The following VEPH1 variants were observed in gnomAD, a reference collection of about 807,000 sequenced individuals.
VEPH1 encodes the protein ventricular zone expressed PH domain containing 1, also known as ventricular zone-expressed PH domain-containing protein homolog 1.
A neutral mutation model predicts 85.2 loss-of-function variants in VEPH1; 80 were observed. The ratio of observed to expected loss-of-function variants is 0.94; its 90% CI spans 0.78 to 1.13. The LOEUF is 1.13. VEPH1 is among the 50% of genes most tolerant of loss of function. The pLI is 0.00. For missense variants in VEPH1, 955 were observed against 980.5 expected (o/e 0.97, Z 0.35); for synonymous variants, 297 against 348.0 (o/e 0.85, Z 1.63).
intron 1 of VEPH1, among the ~76,000 whole-genome samples, chr3:157,502,798 A>T (rs555913380): frequency 5.9e-5 from 9 of 152,352 alleles, no homozygotes; most frequent in African/African-American, 1.9e-4. Flanking sequence ...CCAAAGGAAA[A>T]AACGGCAGCA....
At chr3:157,439,790 G>A (rs1177438406) in intron 4 of VEPH1, among the ~76,000 whole-genome samples, 1 of 152,042 alleles carries the variant, frequency 6.6e-6, no homozygotes, top group Non-Finnish European at 1.5e-5. Flanking sequence ...TCGCTCTGTC[G>A]CCCAGGCTGG....
At chr3:157,368,619 G>A (rs1727021814) in intron 7 of VEPH1, among the ~76,000 whole-genome samples, 1 of 151,994 alleles carries the variant, frequency 6.6e-6, no homozygotes, top group South Asian at 2.1e-4. Context: ...AGCCCCCCGA[G>A]TAGCTGGGAC....
chr3:157,441,025 TAC>T (rs1227095055), intron 4 of VEPH1, among the ~76,000 whole-genome samples: 3 of 152,256 alleles, frequency 2.0e-5, no homozygotes, highest in Non-Finnish European at 2.9e-5. Context: ...ACTTGCTGCT[TAC>T]AGACTTGCAG....
At position 157,413,891 on chromosome 3, in the gene VEPH1, T is replaced by G; in HGVS notation, c.896A>C (p.His299Pro). ...AAAAGCCAAACTTACTTCATCCACA[T>G]GCCCAACAGCTCCATAAATCCTTGC... ...QMARIYGAVGHVDEERARSCL... is the reference protein window; with the variant it reads ...QMARIYGAVGPVDEERARSCL... Residue 299 changes from histidine to proline, a missense_variant, in exon 6 of 14, where the codon CAT (histidine) becomes CCT (proline). Coordinates refer to ENST00000362010, the MANE Select transcript of VEPH1 (RefSeq NM_001167912.2). The G allele has an allele frequency of 1.9e-6, 3 of 1,613,270 alleles. No individual in the cohort carries two copies. Among genetic ancestry groups the G allele is most frequent in the Non-Finnish European group, 2.5e-6 (3 of 1,179,436 alleles).
intron 2 of VEPH1, among the ~76,000 whole-genome samples, chr3:157,481,332 C>T (rs1367558300): frequency 1.3e-5 from 2 of 151,488 alleles, no homozygotes; most frequent in East Asian, 3.9e-4. Context: ...AATGGCCATA[C>T]TGCCCAAAGC....
chr3:157,318,632 AAAAG>A (rs67604867), intron 9 of VEPH1, among the ~76,000 whole-genome samples: 22,202 of 128,508 alleles, frequency 0.17, 3,286 homozygotes, highest in African/African-American at 0.4. Context: ...AACAAAAAAA[AAAAG>A]AAAGAAAGAA....
At chr3:157,395,677 C>T (rs953526762) in intron 6 of VEPH1, among the ~76,000 whole-genome samples, 5 of 152,272 alleles carry the variant, frequency 3.3e-5, no homozygotes, top group East Asian at 3.9e-4. Context: ...CCACATATCT[C>T]TTCCCAAAAA....
chr3:157,368,476 G>GTTTTT (rs59050089), intron 7 of VEPH1, among the ~76,000 whole-genome samples: 204 of 140,458 alleles, frequency 1.5e-3, no homozygotes, highest in East Asian at 5.9e-3. Context: ...TAAACAATAA[G>GTTTTT]TTTTTTGTTT....
intron 11 of VEPH1, among the ~76,000 whole-genome samples, chr3:157,306,489 T>C (rs1719523822): frequency 6.6e-6 from 1 of 152,074 alleles, no homozygotes; most frequent in Non-Finnish European, 1.5e-5. Context: ...TACATATAGG[T>C]CTAATTAATT....
chr3:157,388,905 G>A (rs866631149), intron 6 of VEPH1, among the ~76,000 whole-genome samples: 3 of 152,030 alleles, frequency 2.0e-5, no homozygotes, highest in South Asian at 4.1e-4. Flanking sequence ...TGGTATCCAC[G>A]GGGGTTCTGG....
chr3:157,281,209 A>G (rs12637932), intron 12 of VEPH1, among the ~76,000 whole-genome samples: 75,676 of 151,654 alleles, frequency 0.5, 19,788 homozygotes, highest in Admixed American at 0.62. Flanking sequence ...TACCACAGAG[A>G]CATAAAATAG....
chr3:157,261,378 G>A lies in VEPH1; in HGVS notation c.2266-8C>T, dbSNP rs1205275268. On this transcript the variant is annotated splice_region_variant and splice_polypyrimidine_tract_variant and intron_variant, in intron 13 of 13. Coordinates refer to ENST00000362010, the MANE Select transcript of VEPH1 (RefSeq NM_001167912.2). ...GTCGTCAGGGTCATCTTTCTGAAAG[G>A]CATGGGAAGAAAAGAACATGGGCTG... The A allele has an allele frequency of 6.2e-7, 1 of 1,612,700 alleles. No individual in the cohort carries two copies. The highest frequency in any genetic ancestry group is 1.1e-5 in the South Asian group (1 of 90,958).
intron 11 of VEPH1, among the ~76,000 whole-genome samples, chr3:157,301,874 T>G (rs971774219): frequency 1.3e-5 from 2 of 152,218 alleles, no homozygotes; most frequent in Non-Finnish European, 2.9e-5. Flanking sequence ...GATGTCCTAA[T>G]CTATATTCCT....
intron 11 of VEPH1, among the ~76,000 whole-genome samples, chr3:157,300,902 C>T (rs576848552): frequency 1.3e-5 from 2 of 152,304 alleles, no homozygotes; most frequent in African/African-American, 4.8e-5. Flanking sequence ...GGCTGAACTT[C>T]CAAACTCAGT....
At chr3:157,308,622 T>A (rs979227492) in intron 11 of VEPH1, among the ~76,000 whole-genome samples, 1 of 152,076 alleles carries the variant, frequency 6.6e-6, no homozygotes, top group African/African-American at 2.4e-5. Context: ...TCCTTCTGGC[T>A]GTATTTTACC....
intron 2 of VEPH1, among the ~76,000 whole-genome samples, chr3:157,487,330 G>A (rs1738741899): frequency 6.6e-6 from 1 of 151,962 alleles, no homozygotes; most frequent in Non-Finnish European, 1.5e-5. Context: ...TAATAAACTT[G>A]AAAACTCAGA....
At chr3:157,294,062 T>C (rs1717838130) in intron 11 of VEPH1, among the ~76,000 whole-genome samples, 1 of 152,192 alleles carries the variant, frequency 6.6e-6, no homozygotes, top group South Asian at 2.1e-4. Context: ...ATTCAACAAA[T>C]ATTTAGTACT....
chr3:157,403,717 G>T (rs1205355929), intron 6 of VEPH1, among the ~76,000 whole-genome samples: 1 of 152,104 alleles, frequency 6.6e-6, no homozygotes, highest in Non-Finnish European at 1.5e-5. Context: ...CAAAGATTAT[G>T]ACTGTTAAAG....
At chr3:157,344,294 A>C (rs1259887633) in intron 9 of VEPH1, among the ~76,000 whole-genome samples, 2 of 152,220 alleles carry the variant, frequency 1.3e-5, no homozygotes. Flanking sequence ...ATCTCAGCCC[A>C]AAATCTCCTT....
Sources: allele counts gnomAD v4.1 joint callset (sites outside exome capture counted in the v4.1 genomes callset), GRCh38; gene constraint gnomAD v4.1.1; transcripts MANE v1.5; gene names NCBI Gene and HGNC (gene_info 2026-07-23, HGNC 2026-07-21).